The following SOWAHD variants were observed in gnomAD, a reference collection of about 807,000 sequenced individuals.
SOWAHD encodes ankyrin repeat domain-containing protein SOWAHD.
For synonymous variants in SOWAHD, 142 were observed against 147.2 expected, an observed-to-expected ratio of 0.96 and a Z score of 0.26; for missense variants, 295 against 297.7, an observed-to-expected ratio of 0.99 and a Z score of 0.07.
In SOWAHD at chrX:119,759,389, G is replaced by T; in HGVS notation, c.722G>T (p.Gly241Val). ...CCTTGGAGGTTGCGGGAGCTGTCGG[G>T]AGCCGAGGAATGGGAGATGGAGAGC... ...DAPWRLRELS[G>V]AEEWEMESGS... Residue 241 changes from glycine to valine, a missense_variant, in exon 1 of 1, where the codon GGA (glycine) becomes GTA (valine). Physicochemically the swap from Gly to Val is moderately radical, Grantham distance 109 (BLOSUM62 -3). Transcript: ENST00000343905. 8.3e-7 allele frequency: 1 copy of T among 1,200,753 alleles called. No individual in the cohort carries two copies. The highest frequency in any genetic ancestry group is 1.8e-5 in the South Asian group (1 of 55,755).
In SOWAHD at chrX:119,758,986, A is replaced by G; in HGVS notation, c.319A>G (p.Arg107Gly). ...CGGGCCGAGTGGGCCGGGCAGCAGCAGGCTGTGCCTGGAACCGCGGGAGCA... is the reference window on the plus strand; with the variant it reads ...CGGGCCGAGTGGGCCGGGCAGCAGCGGGCTGTGCCTGGAACCGCGGGAGCA... ...LGGPSGPGSS[R>G]LCLEPREHAW... Residue 107 changes from arginine to glycine, a missense_variant, in exon 1 of 1, where the codon AGG becomes GGG. Transcript: ENST00000343905. 1 of 1,135,234 alleles carries G rather than the reference A, an allele frequency of 8.8e-7. No individual in the cohort carries two copies. The allele number at this position is 1,135,234 out of a possible 1,213,427, so 93.6% of individuals were successfully genotyped here. A position where few individuals can be genotyped will look rare whatever the true frequency, so the allele number is the denominator to read the frequency against.
Position 119,758,814 on chromosome X carries a change from C to T in SOWAHD, c.147C>T (p.Ala49=). 1 of 1,151,647 alleles carries T rather than the reference C, an allele frequency of 8.7e-7. No homozygotes were observed. The allele number at this position is 1,151,647 out of a possible 1,213,427, so 94.9% of individuals were successfully genotyped here. A position where few individuals can be genotyped will look rare whatever the true frequency, so the allele number is the denominator to read the frequency against. Reference sequence around the variant, plus strand: ...GGTACTGGGGCAAAGCCGCAGCCGCCGCCTCCCGGGAGCACCCCTTCCCAG... The same window carrying T: ...GGTACTGGGGCAAAGCCGCAGCCGCTGCCTCCCGGGAGCACCCCTTCCCAG... ...LGRYWGKAAA[A]ASREHPFPGT... The change falls in exon 1 of 1, where the codon GCC becomes GCT. Residue 49 remains alanine (A), a synonymous_variant. Coordinates refer to ENST00000343905, the MANE Select transcript of SOWAHD (RefSeq NM_001105576.3).
Position 119,758,660 on chromosome X carries a change from T to G in SOWAHD, c.-8T>G. On this transcript the variant is annotated 5_prime_UTR_variant, in exon 1 of 1. Coordinates refer to ENST00000343905, the MANE Select transcript of SOWAHD (RefSeq NM_001105576.3). The stretch of plus-strand genomic sequence containing the variant: ...CACTGGGACGGCCGCGGCGGCAGCT[T>G]CAAGACCATGGCCCAGCTCGGAGGG... 1 of 1,095,345 alleles carries G rather than the reference T, an allele frequency of 9.1e-7. No individual in the cohort carries two copies. Among genetic ancestry groups the G allele is most frequent in the African/African-American group, 1.9e-5 (1 of 52,250 alleles). The allele number at this position is 1,095,345 out of a possible 1,213,427, so 90.3% of individuals were successfully genotyped here. A position where few individuals can be genotyped will look rare whatever the true frequency, so the allele number is the denominator to read the frequency against.
chrX:119,759,670 G>A lies in SOWAHD; in HGVS notation c.*55G>A. The A allele has an allele frequency of 9.4e-7, 1 of 1,059,839 alleles. No homozygotes were observed. The highest frequency in any genetic ancestry group is 1.2e-6 in the Non-Finnish European group (1 of 806,906). 87.3% of individuals were successfully genotyped at this position (1,059,839 alleles called of 1,213,427 possible). On this transcript the variant is annotated 3_prime_UTR_variant, in exon 1 of 1. Coordinates refer to ENST00000343905, the MANE Select transcript of SOWAHD (RefSeq NM_001105576.3). ...GCTGTGACACTGTGGCGATGGCTAG[G>A]TCCTGGGTTGTCCCGGGTTCCACCG... is the stretch of plus-strand genomic sequence containing the variant.
Position 119,759,720 on chromosome X carries a change from T to C in SOWAHD, c.*105T>C. 1 of 845,759 alleles carries C rather than the reference T, an allele frequency of 1.2e-6. No homozygotes were observed. The allele number at this position is 845,759 out of a possible 1,213,427, so 69.7% of individuals were successfully genotyped here. On this transcript the variant is annotated 3_prime_UTR_variant, in exon 1 of 1. Transcript: ENST00000343905. Reference sequence around the variant, plus strand: ...GAAGGAGAGGCGCCTTGGACGCTGCTTGGGCCTGCAAGGAACAGAACACGT... The same window carrying C: ...GAAGGAGAGGCGCCTTGGACGCTGCCTGGGCCTGCAAGGAACAGAACACGT...
At position 119,759,886 on chromosome X, in the gene SOWAHD, A is replaced by T; in HGVS notation, c.*271A>T. On this transcript the variant is annotated 3_prime_UTR_variant, in exon 1 of 1. Transcript: ENST00000343905. ...GAGTTCCAAAGCTACAGGACTAAGG[A>T]GTTGGGAGCAGGGAGCGTGGTCCTG... is the stretch of plus-strand genomic sequence containing the variant. The T allele has an allele frequency of 3.5e-6, 1 of 284,931 alleles. No individual in the cohort carries two copies. The highest frequency in any genetic ancestry group is 6.4e-6 in the Non-Finnish European group (1 of 155,507). 23.5% of individuals were successfully genotyped at this position (284,931 alleles called of 1,213,427 possible).
Position 119,758,785 on chromosome X carries a change from G to T in SOWAHD, c.118G>T (p.Gly40Cys), listed in dbSNP as rs756372931. 1 of 1,169,008 alleles carries T rather than the reference G, an allele frequency of 8.6e-7. No individual in the cohort carries two copies. Among genetic ancestry groups the T allele is most frequent in the Admixed American group, 2.3e-5 (1 of 43,224 alleles). The stretch of plus-strand genomic sequence containing the variant: ...CTCGAGAGCGGACACTGGTAGCCTG[G>T]GCAGGTACTGGGGCAAAGCCGCAGC... ...RPSRADTGSLGRYWGKAAAAA... is the reference protein window; with the variant it reads ...RPSRADTGSLCRYWGKAAAAA... The change falls in exon 1 of 1, where the codon GGC becomes TGC. Residue 40 changes from glycine to cysteine, a missense_variant. Coordinates refer to ENST00000343905, the MANE Select transcript of SOWAHD (RefSeq NM_001105576.3).
Position 119,759,708 on chromosome X carries a change from C to A in SOWAHD, c.*93C>A. The stretch of plus-strand genomic sequence containing the variant: ...CCGGGTTCCACCGAAGGAGAGGCGC[C>A]TTGGACGCTGCTTGGGCCTGCAAGG... On this transcript the variant is annotated 3_prime_UTR_variant, in exon 1 of 1. Transcript: ENST00000343905. The A allele has an allele frequency of 1.1e-6, 1 of 904,057 alleles. No individual in the cohort carries two copies. Among genetic ancestry groups the A allele is most frequent in the African/African-American group, 2.0e-5 (1 of 48,963 alleles). The allele number at this position is 904,057 out of a possible 1,213,427, so 74.5% of individuals were successfully genotyped here.
rs748981946 is a variant in SOWAHD at position 119,759,155 on chromosome X, A to T, written c.488A>T (p.Glu163Val). 3 of 1,186,977 alleles carry T rather than the reference A, an allele frequency of 2.5e-6. No individual in the cohort carries two copies. The East Asian group carries it at 9.1e-5, about 36-fold the overall frequency. Residue 163 changes from glutamate to valine, a missense_variant, in exon 1 of 1, where the codon GAG becomes GTG. Physicochemically the swap from Glu to Val is moderately radical, Grantham distance 121. Coordinates refer to ENST00000343905, the MANE Select transcript of SOWAHD (RefSeq NM_001105576.3). ...CTGGCCAAGCACGGGCGCCACGAGG[A>T]GCTCATTCTGGTACACGATTTCGCC... ...HWLAKHGRHE[E>V]LILVHDFALR...
rs1236990629 is a variant in SOWAHD, at chrX:119,760,099, A to T, written c.*484A>T. On this transcript the variant is annotated 3_prime_UTR_variant, in exon 1 of 1. Transcript: ENST00000343905. ...GGGGTGCGGGTAGAGTCAGCCTCTG[A>T]CAACCTCCTCCTGAGACGACCCAGC... The T allele has an allele frequency of 7.8e-6, 1 of 128,723 alleles. No homozygotes were observed. The highest frequency in any genetic ancestry group is 1.7e-5 in the Non-Finnish European group (1 of 57,189). The allele number at this position is 128,723 out of a possible 1,213,427, so 10.6% of individuals were successfully genotyped here.
At position 119,758,732 on chromosome X, in the gene SOWAHD, G is replaced by T; in HGVS notation, c.65G>T (p.Ser22Ile). 8.6e-7 allele frequency: 1 copy of T among 1,166,413 alleles called. No homozygotes were observed. Among genetic ancestry groups the T allele is most frequent in the East Asian group, 3.3e-5 (1 of 30,744 alleles). ...PTASLAPTSQ[S>I]LRCAPQPRPS... Reference sequence around the variant, plus strand: ...GCCTCTCTCGCGCCGACCTCGCAGAGCCTGCGGTGCGCCCCGCAGCCCCGC... The same window carrying T: ...GCCTCTCTCGCGCCGACCTCGCAGATCCTGCGGTGCGCCCCGCAGCCCCGC... Residue 22 changes from serine to isoleucine, a missense_variant, in exon 1 of 1, where the codon AGC (serine) becomes ATC (isoleucine). By Grantham distance (142) the Ser-to-Ile change is moderately radical. Transcript: ENST00000343905.
rs575793972 is a variant in SOWAHD at position 119,759,478 on chromosome X, G to A, written c.811G>A (p.Ala271Thr). Residue 271 changes from alanine (A) to threonine (T), a missense_variant, in exon 1 of 1, where the codon GCA becomes ACA. Ala to Thr is a moderately conservative substitution (Grantham distance 58). Coordinates refer to ENST00000343905, the MANE Select transcript of SOWAHD (RefSeq NM_001105576.3). ...CACCACTGCGTGGAGGGCCGCGAGCGCAGTGGGCGCGACGGCTGTGGAGAC... is the reference window on the plus strand; with the variant it reads ...CACCACTGCGTGGAGGGCCGCGAGCACAGTGGGCGCGACGGCTGTGGAGAC... ...SGTTAWRAAS[A>T]VGATAVETSR... 1.2e-5 allele frequency: 14 copies of A among 1,200,685 alleles called. No homozygotes were observed. The African/African-American group carries it at 1.2e-4, about 10-fold the overall frequency.
Position 119,759,848 on chromosome X carries a change from C to A in SOWAHD, c.*233C>A. On this transcript the variant is annotated 3_prime_UTR_variant, in exon 1 of 1. Coordinates refer to ENST00000343905, the MANE Select transcript of SOWAHD (RefSeq NM_001105576.3). Reference sequence around the variant, plus strand: ...CACCAAGAGAGAGTGAAGGACCAAGCTGGCCTGGCTCCGAGTTCCAAAGCT... The same window carrying A: ...CACCAAGAGAGAGTGAAGGACCAAGATGGCCTGGCTCCGAGTTCCAAAGCT... The A allele has an allele frequency of 3.2e-6, 1 of 316,695 alleles. No individual in the cohort carries two copies. Among genetic ancestry groups the A allele is most frequent in the Non-Finnish European group, 5.7e-6 (1 of 176,640 alleles). The allele number at this position is 316,695 out of a possible 1,213,427, so 26.1% of individuals were successfully genotyped here.
Position 119,758,882 on chromosome X carries a change from G to C in SOWAHD, c.215G>C (p.Gly72Ala). Residue 72 changes from glycine to alanine, a missense_variant, in exon 1 of 1, where the codon GGA becomes GCA. Coordinates refer to ENST00000343905, the MANE Select transcript of SOWAHD (RefSeq NM_001105576.3). ...GCAGCGGGCTCAGGGCGCCGGCGGG[G>C]AGCGCTGCGGGAACTGCTGGGGCTG... The part of the protein sequence containing the change: ...HSAAGSGRRR[G>A]ALRELLGLQR... 1 of 1,095,627 alleles carries C rather than the reference G, an allele frequency of 9.1e-7. No homozygotes were observed. Among genetic ancestry groups the C allele is most frequent in the Non-Finnish European group, 1.2e-6 (1 of 847,399 alleles). 90.3% of individuals were successfully genotyped at this position (1,095,627 alleles called of 1,213,427 possible).
At position 119,759,708 on chromosome X, in the gene SOWAHD, C is replaced by T; in HGVS notation, c.*93C>T. 1.1e-6 allele frequency: 1 copy of T among 904,058 alleles called. No individual in the cohort carries two copies. The highest frequency in any genetic ancestry group is 3.0e-5 in the South Asian group (1 of 33,797). 74.5% of individuals were successfully genotyped at this position (904,058 alleles called of 1,213,427 possible). A position where few individuals can be genotyped will look rare whatever the true frequency, so the allele number is the denominator to read the frequency against. On this transcript the variant is annotated 3_prime_UTR_variant, in exon 1 of 1. Transcript: ENST00000343905. Reference sequence around the variant, plus strand: ...CCGGGTTCCACCGAAGGAGAGGCGCCTTGGACGCTGCTTGGGCCTGCAAGG... The same window carrying T: ...CCGGGTTCCACCGAAGGAGAGGCGCTTTGGACGCTGCTTGGGCCTGCAAGG...
Position 119,759,428 on chromosome X carries a change from C to T in SOWAHD, c.761C>T (p.Thr254Ile). The change falls in exon 1 of 1, where the codon ACC becomes ATC. Residue 254 changes from threonine to isoleucine, a missense_variant. Coordinates refer to ENST00000343905, the MANE Select transcript of SOWAHD (RefSeq NM_001105576.3). The part of the protein sequence containing the change: ...EWEMESGSGC[T>I]NLNNNSSGTT... ...GAGATGGAGAGCGGCAGCGGGTGCA[C>T]CAACCTGAACAACAACAGCAGTGGC... 1 of 1,201,566 alleles carries T rather than the reference C, an allele frequency of 8.3e-7. No individual in the cohort carries two copies. The highest frequency in any genetic ancestry group is 2.2e-5 in the Admixed American group (1 of 44,921).
Position 119,759,452 on chromosome X carries a change from G to A in SOWAHD, c.785G>A (p.Gly262Asp). Residue 262 changes from glycine (G) to aspartate (D), a missense_variant, in exon 1 of 1, where the codon GGC becomes GAC. By Grantham distance (94) the Gly-to-Asp change is moderately conservative. Coordinates refer to ENST00000343905, the MANE Select transcript of SOWAHD (RefSeq NM_001105576.3). ...GCTNLNNNSS[G>D]TTAWRAASAV... ...ACCAACCTGAACAACAACAGCAGTG[G>A]CACCACTGCGTGGAGGGCCGCGAGC... 8.3e-7 allele frequency: 1 copy of A among 1,200,649 alleles called. No individual in the cohort carries two copies. The highest frequency in any genetic ancestry group is 1.1e-6 in the Non-Finnish European group (1 of 889,719).
chrX:119,759,915 G>T lies in SOWAHD; in HGVS notation c.*300G>T. The stretch of plus-strand genomic sequence containing the variant: ...GGGAGCAGGGAGCGTGGTCCTGCTT[G>T]GGAGAGGGCAAGTTAAGCTTCCAGG... On this transcript the variant is annotated 3_prime_UTR_variant, in exon 1 of 1. Coordinates refer to ENST00000343905, the MANE Select transcript of SOWAHD (RefSeq NM_001105576.3). 3.8e-6 allele frequency: 1 copy of T among 265,470 alleles called. No individual in the cohort carries two copies. The highest frequency in any genetic ancestry group is 7.0e-6 in the Non-Finnish European group (1 of 142,607). 21.9% of individuals were successfully genotyped at this position (265,470 alleles called of 1,213,427 possible).
chrX:119,758,882 G>T lies in SOWAHD; in HGVS notation c.215G>T (p.Gly72Val), dbSNP rs903993581. Residue 72 changes from glycine to valine, a missense_variant, in exon 1 of 1, where the codon GGA (glycine) becomes GTA (valine). Coordinates refer to ENST00000343905, the MANE Select transcript of SOWAHD (RefSeq NM_001105576.3). Reference sequence around the variant, plus strand: ...GCAGCGGGCTCAGGGCGCCGGCGGGGAGCGCTGCGGGAACTGCTGGGGCTG... The same window carrying T: ...GCAGCGGGCTCAGGGCGCCGGCGGGTAGCGCTGCGGGAACTGCTGGGGCTG... ...HSAAGSGRRR[G>V]ALRELLGLQR... is the part of the protein sequence containing the mutation. The T allele has an allele frequency of 9.1e-7, 1 of 1,095,627 alleles. No individual in the cohort carries two copies. Among genetic ancestry groups the T allele is most frequent in the Admixed American group, 3.4e-5 (1 of 29,281 alleles). The allele number at this position is 1,095,627 out of a possible 1,213,427, so 90.3% of individuals were successfully genotyped here.
Sources: gnomAD v4.1 joint callset for allele counts on GRCh38, gnomAD v4.1.1 for gene constraint, MANE v1.5 for transcripts, NCBI Gene and HGNC (gene_info 2026-07-23, HGNC 2026-07-21) for gene names.